Variants in SEL1L2 observed in about 807,000 individuals in gnomAD.
The protein encoded by SEL1L2 is SEL1L2 adaptor subunit of SYVN1 ubiquitin ligase.
SEL1L2 carries 89 observed loss-of-function variants against 98.8 expected under a neutral mutation model. The observed-to-expected ratio is 0.90, with a 90% confidence interval of 0.76 to 1.07. The LOEUF is 1.07. SEL1L2 is among the 50% of genes least tolerant of loss of function. The pLI, the probability that SEL1L2 is intolerant of heterozygous loss-of-function variation, is 0.00. For missense variants in SEL1L2, 788 were observed against 812.0 expected (o/e 0.97, Z 0.36); for synonymous variants, 262 against 278.5 (o/e 0.94, Z 0.59).
chr20:13,921,610 A>G (rs1168240556), intron 3 of SEL1L2, among the ~76,000 whole-genome samples: 1 of 152,238 alleles, frequency 6.6e-6, no homozygotes, highest in African/African-American at 2.4e-5. Context: ...GATTTACAGG[A>G]AACACTTTCA....
chr20:13,900,237 G>A (rs1442060245), intron 5 of SEL1L2, among the ~76,000 whole-genome samples: 1 of 152,098 alleles, frequency 6.6e-6, no homozygotes, highest in African/African-American at 2.4e-5. Context: ...TCTGGAAAAT[G>A]TCTTTATTTC....
chr20:13,892,974 T>C (rs1475185990), intron 5 of SEL1L2, among the ~76,000 whole-genome samples: 1 of 152,156 alleles, frequency 6.6e-6, no homozygotes, highest in Non-Finnish European at 1.5e-5. Context: ...TTGGAAAGCA[T>C]TATAAAACCT....
At chr20:13,896,367 G>A (rs142484264) in intron 5 of SEL1L2, among the ~76,000 whole-genome samples, 1,734 of 152,240 alleles carry the variant, frequency 0.011, 14 homozygotes, top group Non-Finnish European at 0.016. Flanking sequence ...CTACTAGGGA[G>A]GCTGAGGCAG....
intron 2 of SEL1L2, among the ~76,000 whole-genome samples, chr20:13,948,456 C>T (rs778254767): frequency 6.6e-5 from 10 of 152,222 alleles, no homozygotes; most frequent in Middle Eastern, 3.4e-3. Flanking sequence ...TAAAGCTTCT[C>T]ATATATGATC....
chr20:13,857,738 A>G (rs543652417), intron 18 of SEL1L2, among the ~76,000 whole-genome samples: 1 of 152,334 alleles, frequency 6.6e-6, no homozygotes, highest in African/African-American at 2.4e-5. Context: ...AGGAATGATG[A>G]GTAGAGAAAG....
chr20:13,878,235 G>A (rs999671503), intron 10 of SEL1L2, among the ~76,000 whole-genome samples: 6 of 152,038 alleles, frequency 3.9e-5, no homozygotes, highest in Non-Finnish European at 8.8e-5. Flanking sequence ...TCGACCTTCC[G>A]GAAAGCCCCT....
chr20:13,973,014 T>G (rs1401390635), intron 1 of SEL1L2, among the ~76,000 whole-genome samples: 2 of 152,178 alleles, frequency 1.3e-5, no homozygotes, highest in Non-Finnish European at 2.9e-5. Flanking sequence ...GTATGGATAT[T>G]GTAACGTTTG....
chr20:13,886,089 T>C (rs1444586976), intron 9 of SEL1L2, among the ~76,000 whole-genome samples, 199 bp downstream of exon 9: 2 of 151,830 alleles, frequency 1.3e-5, no homozygotes, highest in South Asian at 2.1e-4. Context: ...GTTGCTATTA[T>C]TATGGCAACT....
intron 11 of SEL1L2, 65 bp from the exon 12 acceptor site, chr20:13,876,180 A>T (rs1378464568): frequency 1.7e-6 from 2 of 1,162,766 alleles, no homozygotes; most frequent in Middle Eastern, 1.9e-4. Flanking sequence ...CAAATATTTT[A>T]AAATGAAATA....
Position 13,883,111 on chromosome 20 carries a change from C to T in SEL1L2, c.957+2236G>A, listed in dbSNP as rs74272121. 4.2e-4 allele frequency among the ~76,000 whole-genome samples: 64 copies of T among 152,262 alleles called. 1 individual carries two copies. The East Asian group carries it at 9.9e-3, about 23-fold the overall frequency. ...CTGGGATTACAGGCGTGAGCCACCG[C>T]GCCTGGCCTCAATTTGTCTTAAAGT... On this transcript the variant is annotated intron_variant, in intron 10 of 19. Transcript: ENST00000284951.
At chr20:13,903,816 A>C (rs1380151060) in intron 5 of SEL1L2, among the ~76,000 whole-genome samples, 1 of 151,586 alleles carries the variant, frequency 6.6e-6, no homozygotes, top group Non-Finnish European at 1.5e-5. Context: ...CTCCATCTTA[A>C]GAAAAAAAAA....
At chr20:13,959,908 T>C (rs1000986178) in intron 1 of SEL1L2, among the ~76,000 whole-genome samples, 3 of 152,248 alleles carry the variant, frequency 2.0e-5, no homozygotes, top group African/African-American at 7.2e-5. Flanking sequence ...AAAGGGACTA[T>C]GGCAAGTAAA....
At chr20:13,851,073 C>T (rs1176182420) in intron 18 of SEL1L2, among the ~76,000 whole-genome samples, 1 of 152,036 alleles carries the variant, frequency 6.6e-6, no homozygotes, top group Non-Finnish European at 1.5e-5. Flanking sequence ...CCTGTCCCTA[C>T]TAAAAATGCA....
chr20:13,931,181 C>T (rs2148310985), intron 3 of SEL1L2, among the ~76,000 whole-genome samples: 1 of 151,858 alleles, frequency 6.6e-6, no homozygotes, highest in Non-Finnish European at 1.5e-5. Context: ...GTAGCTGGGA[C>T]TACAGGTGCC....
At chr20:13,889,517 T>C (rs6042413) in intron 5 of SEL1L2, among the ~76,000 whole-genome samples, 16,704 of 151,966 alleles carry the variant, frequency 0.11, 1,003 homozygotes, top group African/African-American at 0.14. Flanking sequence ...TTAGGCTGGG[T>C]GCGGTGGCTC....
At chr20:13,919,447 G>T (rs2148231451) in intron 3 of SEL1L2, among the ~76,000 whole-genome samples, 1 of 152,282 alleles carries the variant, frequency 6.6e-6, no homozygotes, top group Middle Eastern at 3.4e-3. Context: ...CAGAAGGCAG[G>T]AGATGCCTGG....
intron 5 of SEL1L2, among the ~76,000 whole-genome samples, chr20:13,889,850 T>C (rs977733528): frequency 1.3e-5 from 2 of 152,126 alleles, no homozygotes; most frequent in Non-Finnish European, 2.9e-5. Context: ...TCACATTAAT[T>C]TTAACGTGAT....
At chr20:13,901,404 T>A (rs1424301361) in intron 5 of SEL1L2, among the ~76,000 whole-genome samples, 6 of 152,154 alleles carry the variant, frequency 3.9e-5, no homozygotes, top group Non-Finnish European at 8.8e-5. Flanking sequence ...AAGCTGTATA[T>A]TTTCTTCTGC....
intron 3 of SEL1L2, among the ~76,000 whole-genome samples, 200 bp downstream of exon 3, chr20:13,931,403 G>C (rs2148312568): frequency 6.6e-6 from 1 of 151,066 alleles, no homozygotes; most frequent in East Asian, 2.0e-4. Context: ...CTCCAGCCTG[G>C]ATAACAGAGT....
Sources: allele counts gnomAD v4.1 joint callset (sites outside exome capture counted in the v4.1 genomes callset), GRCh38; gene constraint gnomAD v4.1.1; transcripts MANE v1.5; gene names NCBI Gene and HGNC (gene_info 2026-07-23, HGNC 2026-07-21).